Variants in CNTNAP3 observed in about 807,000 individuals in gnomAD.
CNTNAP3 encodes the protein contactin associated protein family member 3.
A neutral mutation model predicts 92.1 loss-of-function variants in CNTNAP3; 36 were observed. The observed-to-expected ratio is 0.39, with a 90% CI of 0.30 to 0.52. CNTNAP3 has a LOEUF of 0.52. Among genes scored for constraint, CNTNAP3 ranks in the 20% least tolerant of loss-of-function variants. The pLI, the probability that CNTNAP3 is intolerant of heterozygous loss-of-function variation, is 0.76. For missense variants in CNTNAP3, 534 were observed against 1,069.6 expected, an observed-to-expected ratio of 0.50 and a Z score of 6.98; for synonymous variants, 232 against 422.3, an observed-to-expected ratio of 0.55 and a Z score of 5.53.
rs1250854012 is a variant in CNTNAP3 at position 39,073,697 on chromosome 9, C to G, written c.*193G>C. 3 of 1,467,668 alleles carry G rather than the reference C, an allele frequency of 2.0e-6. No homozygotes were observed. In the African/African-American group the frequency reaches 4.2e-5, roughly 21 times the overall value. The allele number at this position is 1,467,668 out of a possible 1,614,324, so 90.9% of individuals were successfully genotyped here. ...GTTTCACCGAGGGAGAAAGGGACCT[C>G]CCAGAGGCTCCGAGGCTGCAGGTCT... On this transcript the variant is annotated 3_prime_UTR_variant, in exon 24 of 24. Transcript: ENST00000297668.
intron 13 of CNTNAP3, among the ~76,000 whole-genome samples, chr9:39,126,021 A>C (rs1363912505): frequency 6.6e-6 from 1 of 152,186 alleles, no homozygotes; most frequent in Non-Finnish European, 1.5e-5. Flanking sequence ...AGCGTTGTAG[A>C]ATATTTTATC....
At chr9:39,095,595 C>T (rs1587704434) in intron 18 of CNTNAP3, among the ~76,000 whole-genome samples, 1 of 141,434 alleles carries the variant, frequency 7.1e-6, no homozygotes, top group Non-Finnish European at 1.6e-5. Context: ...TGTTTTTTTT[C>T]CCCTCTCATT....
chr9:39,083,333 CTGTT>C (rs1240560160), intron 21 of CNTNAP3, among the ~76,000 whole-genome samples: 2 of 152,070 alleles, frequency 1.3e-5, no homozygotes, highest in Non-Finnish European at 2.9e-5. Context: ...TTTTTGCACT[CTGTT>C]TTTTTGATAT....
In CNTNAP3 at chr9:39,070,856, G is replaced by A; in HGVS notation, c.*3034C>T. 6.6e-6 allele frequency among the ~76,000 whole-genome samples: 1 copy of A among 152,224 alleles called. No homozygotes were observed. Reference sequence around the variant, plus strand: ...AGATTTCCCATCAAATATTCTTTCAGAGAAGATGTGAACAAAGATCCAGAA... The same window carrying A: ...AGATTTCCCATCAAATATTCTTTCAAAGAAGATGTGAACAAAGATCCAGAA... On this transcript the variant is annotated 3_prime_UTR_variant, in exon 24 of 24. Transcript: ENST00000297668.
chr9:39,184,160 G>A (rs1822488696), intron 4 of CNTNAP3, among the ~76,000 whole-genome samples: 2 of 141,908 alleles, frequency 1.4e-5, no homozygotes, highest in African/African-American at 5.7e-5. Flanking sequence ...CCATTTACCT[G>A]CTGATAGACA....
chr9:39,113,043 T>C (rs1820746118), intron 14 of CNTNAP3, among the ~76,000 whole-genome samples: 1 of 152,154 alleles, frequency 6.6e-6, no homozygotes. Context: ...GCAGCGTTAC[T>C]GATATTTTGG....
chr9:39,078,658 T>C (rs1825848398), intron 22 of CNTNAP3, 32 bp downstream of exon 22: 7 of 1,548,432 alleles, frequency 4.5e-6, no homozygotes, highest in Non-Finnish European at 6.1e-6. Flanking sequence ...AGAAGCGCAG[T>C]TTCAGGTGCG....
At chr9:39,113,014 AAAAGAGGGTATCTCAACAGCAGCGT>A (rs548131038) in intron 14 of CNTNAP3, among the ~76,000 whole-genome samples, 1 of 152,284 alleles carries the variant, frequency 6.6e-6, no homozygotes, top group South Asian at 2.1e-4. Flanking sequence ...TGTCAACTTT[AAAAGAGGGTATCTCAACAGCAGCGT>A]TACTGATATT....
rs146663667 is a variant in CNTNAP3 at position 39,099,956 on chromosome 9, A to T, written c.2950T>A (p.Cys984Ser). ...RCREKRRGVT[C>S]DCAFSAYDGP... ...TCATAGGCTGAGAAGGCACAGTCAC[A>T]GGTGACCCCCCTGCGTTTCTCTCTG... The change falls in exon 18 of 24, where the codon TGT becomes AGT. Residue 984 changes from cysteine to serine, a missense_variant. By Grantham distance (112) the Cys-to-Ser change is moderately radical. Transcript: ENST00000297668. 85 of 1,609,794 alleles carry T rather than the reference A, an allele frequency of 5.3e-5. No individual in the cohort carries two copies. The highest frequency in any genetic ancestry group is 7.1e-5 in the Non-Finnish European group (84 of 1,178,826).
At chr9:39,150,016 A>G (rs775151140) in intron 9 of CNTNAP3, 39 bp from the exon 10 acceptor site, 3 of 1,602,264 alleles carry the variant, frequency 1.9e-6, no homozygotes, top group South Asian at 1.1e-5. Context: ...AGCAACAACT[A>G]TGACAAAACT....
At chr9:39,088,230 A>G (rs1014101154) in intron 19 of CNTNAP3, among the ~76,000 whole-genome samples, 193 bp downstream of exon 19, 1 of 150,550 alleles carries the variant, frequency 6.6e-6, no homozygotes, top group African/African-American at 2.4e-5. Context: ...ATGGGAGAAA[A>G]GCATCTTAAT....
rs192959044 is a variant in CNTNAP3, at chr9:39,168,592, A to G, written c.1334-2516T>C. Among the ~76,000 whole-genome samples the G allele has an allele frequency of 7.9e-3, 227 of 28,690 alleles. 5 individuals are homozygous for G. Among genetic ancestry groups the G allele is most frequent in the African/African-American group, 0.031 (220 of 7,162 alleles). 18.8% of individuals were successfully genotyped at this position (28,690 alleles called of 152,430 possible). On this transcript the variant is annotated intron_variant, in intron 8 of 23. Transcript: ENST00000297668. ...ACTGCAAAAAGTGCCCTCTTTAAGAATATCTTTTGACAAATAAAAGCAGAT... is the reference window on the plus strand; with the variant it reads ...ACTGCAAAAAGTGCCCTCTTTAAGAGTATCTTTTGACAAATAAAAGCAGAT...
intron 12 of CNTNAP3, among the ~76,000 whole-genome samples, chr9:39,137,032 A>C (rs970333396): frequency 4.6e-5 from 7 of 151,332 alleles, no homozygotes; most frequent in Admixed American, 1.3e-4. Flanking sequence ...TCTGATACTA[A>C]TTTGTGGGAA....
chr9:39,087,876 T>C (rs1480969204), intron 19 of CNTNAP3, among the ~76,000 whole-genome samples: 3 of 152,170 alleles, frequency 2.0e-5, no homozygotes, highest in Non-Finnish European at 4.4e-5. Flanking sequence ...TGTTCAACTG[T>C]AAAAACCTTG....
chr9:39,122,597 G>C (rs541180279), intron 13 of CNTNAP3, among the ~76,000 whole-genome samples: 193 of 152,292 alleles, frequency 1.3e-3, no homozygotes, highest in African/African-American at 4.4e-3. Context: ...GTTATGCAAA[G>C]AGCAAATTCA....
Position 39,086,838 on chromosome 9 carries a change from T to A in CNTNAP3, c.3232A>T (p.Ile1078Phe). 1 of 1,602,324 alleles carries A rather than the reference T, an allele frequency of 6.2e-7. No homozygotes were observed. The highest frequency in any genetic ancestry group is 8.5e-7 in the Non-Finnish European group (1 of 1,175,750). ...VILANNGSLQ[I>F]RYKLDRHQNP... ...TGATGTCTATCTAGCTTGTACCTAA[T>A]CTGCAAACTTCCTAAAAAGAAAAAT... Residue 1078 changes from isoleucine to phenylalanine, a missense_variant, in exon 20 of 24, where the codon ATT (isoleucine) becomes TTT (phenylalanine). By Grantham distance (21) the Ile-to-Phe change is conservative. Transcript: ENST00000297668.
intron 9 of CNTNAP3, among the ~76,000 whole-genome samples, chr9:39,161,854 A>AG (rs1822081917): frequency 7.5e-6 from 1 of 133,590 alleles, no homozygotes; most frequent in East Asian, 2.1e-4. Context: ...AAAAAAAAAA[A>AG]AAAAAAAGTA....
chr9:39,124,040 T>C lies in CNTNAP3; in HGVS notation c.2081-5781A>G, dbSNP rs552235983. On this transcript the variant is annotated intron_variant, in intron 13 of 23. Transcript: ENST00000297668. ...ATTTAAAATAAAATCTAGTGTCTTC[T>C]TCTTAATTGATGTAATAGGTAACAG... 3.9e-5 allele frequency among the ~76,000 whole-genome samples: 6 copies of C among 152,230 alleles called. No individual in the cohort carries two copies. The South Asian group carries it at 6.2e-4, about 16-fold the overall frequency.
At chr9:39,076,372 GGATTT>G (rs1186581780) in intron 23 of CNTNAP3, among the ~76,000 whole-genome samples, 1 of 152,312 alleles carries the variant, frequency 6.6e-6, no homozygotes, top group Non-Finnish European at 1.5e-5. Flanking sequence ...ATTTAGGATT[GGATTT>G]GATTTAAAAT....
Sources: gnomAD v4.1 joint callset for allele counts (sites outside exome capture counted in the v4.1 genomes callset) on GRCh38, gnomAD v4.1.1 for gene constraint, MANE v1.5 for transcripts, NCBI Gene and HGNC (gene_info 2026-07-23, HGNC 2026-07-21) for gene names.